SGF29: variants seen among roughly 807,000 people sequenced by gnomAD.
The protein encoded by SGF29 is SAGA-associated factor 29.
Under a neutral mutation model 38.1 loss-of-function variants are expected in SGF29, and 15 were observed. The observed-to-expected ratio is 0.39, with a 90% CI of 0.26 to 0.61. The LOEUF (loss-of-function observed/expected upper bound fraction) is 0.61. SGF29 is among the 20% of genes least tolerant of loss of function. SGF29 has a pLI of 0.49. For synonymous variants in SGF29, 151 were observed against 160.8 expected (o/e 0.94, Z 0.46); for missense variants, 184 against 394.6 (o/e 0.47, Z 4.52).
At chr16:28,557,977 T>G (rs1251408699) in intron 1 of SGF29, among the ~76,000 whole-genome samples, 13 of 145,480 alleles carry the variant, frequency 8.9e-5, no homozygotes, top group African/African-American at 1.3e-4. Flanking sequence ...TTTTTTTTTT[T>G]TTTTTTTTTT....
intron 1 of SGF29, among the ~76,000 whole-genome samples, chr16:28,564,728 C>CGT (rs1491578773): frequency 1.0e-4 from 7 of 70,226 alleles, no homozygotes; most frequent in South Asian, 3.7e-4. Flanking sequence ...TATATATATA[C>CGT]ATATATATGT....
intron 1 of SGF29, among the ~76,000 whole-genome samples, chr16:28,554,897 C>T (rs2046738710): frequency 6.6e-6 from 1 of 152,226 alleles, no homozygotes; most frequent in Non-Finnish European, 1.5e-5. Flanking sequence ...ACTGCCCCTC[C>T]TTGAAACACT....
intron 1 of SGF29, among the ~76,000 whole-genome samples, chr16:28,572,364 G>T (rs1396548734): frequency 6.6e-6 from 1 of 151,350 alleles, no homozygotes; most frequent in Non-Finnish European, 1.5e-5. Flanking sequence ...CCGCCTGCTG[G>T]GTTCAAGCAG....
chr16:28,564,804 C>A (rs1567286292), intron 1 of SGF29, among the ~76,000 whole-genome samples: 1 of 138,582 alleles, frequency 7.2e-6, no homozygotes, highest in African/African-American at 2.7e-5. Context: ...CACACACACA[C>A]ACAAACACAC....
rs1410062811 is a variant in SGF29 at position 28,564,806 on chromosome 16, CAA to C, written c.-16+10711_-16+10712del. Among the ~76,000 whole-genome samples the C allele has an allele frequency of 6.5e-5, 9 of 137,426 alleles. No individual in the cohort carries two copies. The South Asian group carries it at 8.9e-4, about 14-fold the overall frequency. The allele number at this position is 137,426 out of a possible 152,430, so 90.2% of individuals were successfully genotyped here. ...ATATATACACACACACACACACACACAAACACACACACACACATATATATGAG... is the reference window on the plus strand; with the variant it reads ...ATATATACACACACACACACACACACACACACACACACACATATATATGAG... On this transcript the variant is annotated intron_variant, in intron 1 of 9. Coordinates refer to ENST00000317058, the MANE Select transcript of SGF29 (RefSeq NM_138414.3).
intron 1 of SGF29, among the ~76,000 whole-genome samples, chr16:28,566,183 A>T (rs912772186): frequency 5.3e-5 from 8 of 151,770 alleles, no homozygotes; most frequent in Non-Finnish European, 1.2e-4. Flanking sequence ...CTGAGGTGGG[A>T]GAATGGCATG....
intron 1 of SGF29, among the ~76,000 whole-genome samples, chr16:28,564,841 G>A (rs2046827193): frequency 6.8e-6 from 1 of 146,088 alleles, no homozygotes; most frequent in African/African-American, 2.5e-5. Flanking sequence ...GAGTTTATTA[G>A]GGAGAATTGC....
intron 1 of SGF29, among the ~76,000 whole-genome samples, chr16:28,559,469 C>T (rs1039881313): frequency 4.9e-4 from 74 of 152,222 alleles, no homozygotes; most frequent in African/African-American, 1.7e-3. Context: ...CTTTAACCTC[C>T]GCCTCCCGGA....
At chr16:28,583,916 A>G (rs2046940718) in intron 2 of SGF29, among the ~76,000 whole-genome samples, 1 of 152,208 alleles carries the variant, frequency 6.6e-6, no homozygotes, top group African/African-American at 2.4e-5. Context: ...AATTTCTGCA[A>G]AGAAGTCAAT....
At chr16:28,555,863 T>C (rs1204237702) in intron 1 of SGF29, among the ~76,000 whole-genome samples, 2 of 152,220 alleles carry the variant, frequency 1.3e-5, no homozygotes, top group African/African-American at 4.8e-5. Flanking sequence ...GCTTCCACTT[T>C]TGTGATCTCT....
chr16:28,555,301 T>TAA lies in SGF29; in HGVS notation c.-16+1220_-16+1221dup, dbSNP rs142397858. Among the ~76,000 whole-genome samples the TAA allele has an allele frequency of 1.5e-3, 200 of 136,928 alleles. 1 individual carries two copies. The highest frequency in any genetic ancestry group is 3.7e-3 in the Middle Eastern group (1 of 268). 89.8% of individuals were successfully genotyped at this position (136,928 alleles called of 152,430 possible). On this transcript the variant is annotated intron_variant, in intron 1 of 9. Transcript: ENST00000317058. ...CAACGTGGTGAAATCCAGTCTCTTCTAAAAAAAAAAAAAAAAATTAAAAAA... is the reference window on the plus strand; with the variant it reads ...CAACGTGGTGAAATCCAGTCTCTTCTAAAAAAAAAAAAAAAAAAATTAAAAAA...
Position 28,590,024 on chromosome 16 carries a change from T to G in SGF29, c.290-72T>G. The G allele has an allele frequency of 1.3e-6, 2 of 1,534,288 alleles. No homozygotes were observed. Among genetic ancestry groups the G allele is most frequent in the African/African-American group, 1.4e-5 (1 of 73,498 alleles). On this transcript the variant is annotated intron_variant, in intron 5 of 9. Transcript: ENST00000317058. The surrounding 1 kb of genome is among the most constrained non-coding windows in gnomAD (Gnocchi z 8.2). ...GGCTCCCAGGTGCTCCTTCAACAGCTCAGTGCAGCATGCTCGGGGGTCAAG... is the reference window on the plus strand; with the variant it reads ...GGCTCCCAGGTGCTCCTTCAACAGCGCAGTGCAGCATGCTCGGGGGTCAAG...
chr16:28,569,018 G>GT lies in SGF29; in HGVS notation c.-15-12037_-15-12036insT, dbSNP rs1217114125. 1.2e-4 allele frequency among the ~76,000 whole-genome samples: 18 copies of GT among 151,772 alleles called. No homozygotes were observed. The South Asian group carries it at 3.7e-3, about 32-fold the overall frequency. ...CAGGAGAATCGCTTGAACCTGGGAGGCGAAGTTTGCAGTGAGCCGAGATCA... is the reference window on the plus strand; with the variant it reads ...CAGGAGAATCGCTTGAACCTGGGAGGTCGAAGTTTGCAGTGAGCCGAGATCA... On this transcript the variant is annotated intron_variant, in intron 1 of 9. Coordinates refer to ENST00000317058, the MANE Select transcript of SGF29 (RefSeq NM_138414.3).
At chr16:28,564,780 T>TATAC (rs2046826264) in intron 1 of SGF29, among the ~76,000 whole-genome samples, 1 of 111,374 alleles carries the variant, frequency 9.0e-6, no homozygotes, top group Non-Finnish European at 1.8e-5. Context: ...TATGTATATA[T>TATAC]ATATATACAC....
At chr16:28,589,235 C>T in intron 5 of SGF29, 71 bp downstream of exon 5, 1 of 1,552,162 alleles carries the variant, frequency 6.4e-7, no homozygotes, top group Non-Finnish European at 8.9e-7. Flanking sequence ...GCAGCAGTCA[C>T]CCTCCTGTGG....
chr16:28,585,093 T>A, intron 3 of SGF29, 105 bp downstream of exon 3: 1 of 838,812 alleles, frequency 1.2e-6, no homozygotes, highest in Non-Finnish European at 1.9e-6. Flanking sequence ...GATTTGCATG[T>A]ATCTGCATAT....
chr16:28,568,515 AT>A (rs143139252), intron 1 of SGF29, among the ~76,000 whole-genome samples: 15,514 of 150,086 alleles, frequency 0.1, 914 homozygotes, highest in Middle Eastern at 0.18. Flanking sequence ...GAGGTGATTG[AT>A]TATTTAGCTT....
chr16:28,579,805 C>G (rs1203721195), intron 1 of SGF29, among the ~76,000 whole-genome samples: 4 of 151,824 alleles, frequency 2.6e-5, no homozygotes, highest in Non-Finnish European at 5.9e-5. Flanking sequence ...GTGGCACACA[C>G]CTGTAATCTC....
chr16:28,585,492 G>T, intron 3 of SGF29, 156 bp from the exon 4 acceptor site: 1 of 673,620 alleles, frequency 1.5e-6, no homozygotes, highest in Non-Finnish European at 2.7e-6. Flanking sequence ...GGAGCCTGGG[G>T]GCATCCGCCT....
Sources: allele counts gnomAD v4.1 joint callset (sites outside exome capture counted in the v4.1 genomes callset), GRCh38; gene constraint gnomAD v4.1.1; non-coding constraint Gnocchi (gnomAD v3.1); transcripts MANE v1.5; gene names NCBI Gene and HGNC (gene_info 2026-07-23, HGNC 2026-07-21).